Variants in OPCML observed in about 807,000 individuals in gnomAD.
OPCML encodes the protein opioid binding protein/cell adhesion molecule like.
Under a neutral mutation model 37.8 loss-of-function variants are expected in OPCML, and 13 were observed. That is an observed-to-expected ratio of 0.34 (90% CI 0.22 to 0.55). The LOEUF (loss-of-function observed/expected upper bound fraction) is 0.55, where lower values mean the gene tolerates loss of function less well. OPCML is among the 20% of genes least tolerant of loss of function. The pLI, the probability that OPCML is intolerant of heterozygous loss-of-function variation, is 0.91. For synonymous variants in OPCML, 176 were observed against 168.8 expected (o/e 1.04, Z -0.33); for missense variants, 341 against 435.6 (o/e 0.78, Z 1.93).
chr11:132,947,851 T>A (rs1030107255), intron 1 of OPCML, among the ~76,000 whole-genome samples: 1 of 152,162 alleles, frequency 6.6e-6, no homozygotes, highest in Non-Finnish European at 1.5e-5. Flanking sequence ...TGTTTCAGAT[T>A]TTGAATTATT....
chr11:132,670,679 AAT>A (rs1942434162), intron 2 of OPCML, among the ~76,000 whole-genome samples: 1 of 152,200 alleles, frequency 6.6e-6, no homozygotes, highest in Non-Finnish European at 1.5e-5. Flanking sequence ...ATTTGGAAAT[AAT>A]ATTTGTAAAA....
intron 1 of OPCML, among the ~76,000 whole-genome samples, chr11:133,253,161 AG>A (rs1484548545): frequency 2.7e-5 from 4 of 150,936 alleles, no homozygotes; most frequent in Non-Finnish European, 5.9e-5. Flanking sequence ...AAAAAAAAAA[AG>A]GAAAGAAATA....
chr11:132,538,380 T>C (rs2096346506), intron 3 of OPCML, among the ~76,000 whole-genome samples: 1 of 152,102 alleles, frequency 6.6e-6, no homozygotes, highest in Admixed American at 6.5e-5. Flanking sequence ...AAAAAATGCA[T>C]TGGTGGTTGC....
intron 2 of OPCML, among the ~76,000 whole-genome samples, chr11:132,734,187 G>T (rs191410446): frequency 3.9e-5 from 6 of 152,274 alleles, no homozygotes; most frequent in Admixed American, 3.3e-4. Flanking sequence ...CAGATTTTAA[G>T]ATAAAGAATC....
chr11:132,619,353 C>CAA (rs1316688209), intron 3 of OPCML, among the ~76,000 whole-genome samples: 1 of 152,190 alleles, frequency 6.6e-6, no homozygotes, highest in Non-Finnish European at 1.5e-5. Context: ...CCTCAGATTT[C>CAA]ACAAAGGCAG....
At chr11:132,575,217 C>A (rs1282143899) in intron 3 of OPCML, among the ~76,000 whole-genome samples, 1 of 152,018 alleles carries the variant, frequency 6.6e-6, no homozygotes, top group Non-Finnish European at 1.5e-5. Flanking sequence ...AAAAAATCCA[C>A]TCAGCCACTC....
At chr11:132,680,905 C>A (rs1288974391) in intron 2 of OPCML, among the ~76,000 whole-genome samples, 1 of 152,198 alleles carries the variant, frequency 6.6e-6, no homozygotes, top group East Asian at 1.9e-4. Context: ...TTCTCCCGCT[C>A]CAAACCCATG....
chr11:132,719,590 A>G (rs1944610044), intron 2 of OPCML, among the ~76,000 whole-genome samples: 1 of 152,122 alleles, frequency 6.6e-6, no homozygotes, highest in African/African-American at 2.4e-5. Context: ...GAAGGGGTGC[A>G]TTTTCAGCCA....
At chr11:132,579,106 G>A (rs142766182) in intron 3 of OPCML, among the ~76,000 whole-genome samples, 21 of 152,100 alleles carry the variant, frequency 1.4e-4, no homozygotes, top group African/African-American at 4.1e-4. Flanking sequence ...TGATCAACTG[G>A]GGGGAGGCCT....
chr11:133,404,512 C>T (rs1373010553), intron 1 of OPCML, among the ~76,000 whole-genome samples: 1 of 152,180 alleles, frequency 6.6e-6, no homozygotes, highest in Non-Finnish European at 1.5e-5. Context: ...AGCAAATTAT[C>T]CTCCTACTCA....
At chr11:133,449,687 C>T (rs1946541070) in intron 1 of OPCML, among the ~76,000 whole-genome samples, 1 of 151,756 alleles carries the variant, frequency 6.6e-6, no homozygotes, top group Admixed American at 6.5e-5. Flanking sequence ...CTGTGTCCTC[C>T]CCTCATCCTA....
At chr11:132,435,971 TG>T in intron 7 of OPCML, 114 bp downstream of exon 7, 1 of 964,526 alleles carries the variant, frequency 1.0e-6, no homozygotes, top group Non-Finnish European at 1.5e-6. Context: ...CTACAGGTGG[TG>T]GGTTGAGTAG....
intron 4 of OPCML, among the ~76,000 whole-genome samples, chr11:132,440,303 C>T (rs2096028155): frequency 1.3e-5 from 2 of 151,354 alleles, no homozygotes; most frequent in African/African-American, 4.9e-5. Flanking sequence ...ATGTGCTTCT[C>T]AGATTTTAAT....
chr11:132,439,720 G>T (rs1462114289), intron 4 of OPCML, among the ~76,000 whole-genome samples: 2 of 143,966 alleles, frequency 1.4e-5, no homozygotes, highest in Non-Finnish European at 3.0e-5. Context: ...TTTCCTGAAA[G>T]AAATAAATGT....
intron 1 of OPCML, among the ~76,000 whole-genome samples, chr11:133,319,629 C>T (rs1943282979): frequency 6.6e-6 from 1 of 152,230 alleles, no homozygotes; most frequent in South Asian, 2.1e-4. Flanking sequence ...TCTCTCCTCT[C>T]GGCCCTCGTC....
At chr11:132,696,653 G>A (rs1299867075) in intron 2 of OPCML, among the ~76,000 whole-genome samples, 1 of 152,108 alleles carries the variant, frequency 6.6e-6, no homozygotes, top group Admixed American at 6.6e-5. Context: ...GGAGCAAGAA[G>A]ACCATGATGG....
chr11:132,484,384 G>C (rs1298257971), intron 4 of OPCML, among the ~76,000 whole-genome samples: 5 of 152,192 alleles, frequency 3.3e-5, no homozygotes, highest in Admixed American at 2.0e-4. Context: ...TCTCACACCA[G>C]TTAGAATGGC....
chr11:133,272,203 A>G (rs556914328), intron 1 of OPCML, among the ~76,000 whole-genome samples: 28 of 151,382 alleles, frequency 1.8e-4, no homozygotes, highest in Non-Finnish European at 3.2e-4. Context: ...TTAGTAATAA[A>G]TTGAAAGTTG....
chr11:132,977,219 A>C (rs1156557207), intron 1 of OPCML, among the ~76,000 whole-genome samples: 1 of 152,202 alleles, frequency 6.6e-6, no homozygotes, highest in African/African-American at 2.4e-5. Flanking sequence ...TTGTTTATGA[A>C]GAGCTTTGTT....
Sources: gnomAD v4.1 joint callset for allele counts (sites outside exome capture counted in the v4.1 genomes callset) on GRCh38, gnomAD v4.1.1 for gene constraint, MANE v1.5 for transcripts, NCBI Gene and HGNC (gene_info 2026-07-23, HGNC 2026-07-21) for gene names.